Variants in KCNAB1 observed in about 807,000 individuals in gnomAD.
The protein encoded by KCNAB1 is voltage-gated potassium channel subunit beta-1.
In KCNAB1, 35 loss-of-function variants were observed where a neutral mutation model predicts 64.6. The observed-to-expected ratio is 0.54, with a 90% CI of 0.41 to 0.72. The LOEUF is 0.72. Among genes scored for constraint, KCNAB1 ranks in the 30% least tolerant of loss-of-function variants. The pLI, the probability that KCNAB1 is intolerant of heterozygous loss-of-function variation, is 0.00. For missense variants in KCNAB1, 401 were observed against 512.9 expected, an observed-to-expected ratio of 0.78 and a Z score of 2.11; for synonymous variants, 177 against 183.8, an observed-to-expected ratio of 0.96 and a Z score of 0.30.
chr3:156,474,822 T>A lies in KCNAB1; in HGVS notation c.658+2T>A. ...CGGACAGTAACACTCCCATGGAAGGTAAGTTAAGAAAGCTAATAAAATACT... is the reference window on the plus strand; with the variant it reads ...CGGACAGTAACACTCCCATGGAAGGAAAGTTAAGAAAGCTAATAAAATACT... On this transcript the variant is annotated splice_donor_variant, in intron 8 of 13. Coordinates refer to ENST00000490337, the MANE Select transcript of KCNAB1 (RefSeq NM_172160.3). LOFTEE classifies it high-confidence loss of function. 6.2e-7 allele frequency: 1 copy of A among 1,608,900 alleles called. No homozygotes were observed. Among genetic ancestry groups the A allele is most frequent in the Non-Finnish European group, 8.5e-7 (1 of 1,175,546 alleles).
intron 1 of KCNAB1, among the ~76,000 whole-genome samples, chr3:156,397,697 G>GC (rs1475416265): frequency 6.6e-6 from 1 of 151,880 alleles, no homozygotes. Flanking sequence ...TACAACCTCA[G>GC]CCCCCAGGGA....
At chr3:156,501,117 G>C (rs1377806742) in intron 8 of KCNAB1, among the ~76,000 whole-genome samples, 1 of 152,146 alleles carries the variant, frequency 6.6e-6, no homozygotes, top group Admixed American at 6.6e-5. Context: ...AGTATGACAA[G>C]GGGAAAACAT....
At chr3:156,135,532 T>C (rs1262899345) in intron 1 of KCNAB1, among the ~76,000 whole-genome samples, 1 of 152,214 alleles carries the variant, frequency 6.6e-6, no homozygotes, top group East Asian at 1.9e-4. Flanking sequence ...ATTAAATCAG[T>C]TTATTTTTAA....
intron 12 of KCNAB1, among the ~76,000 whole-genome samples, chr3:156,529,712 C>T (rs750741734): frequency 1.3e-5 from 2 of 152,284 alleles, no homozygotes; most frequent in African/African-American, 4.8e-5. Context: ...ATCAACTGGA[C>T]TTAGCAGTTA....
chr3:156,138,306 C>A (rs1577625277), intron 1 of KCNAB1, among the ~76,000 whole-genome samples: 1 of 152,280 alleles, frequency 6.6e-6, no homozygotes, highest in Non-Finnish European at 1.5e-5. Context: ...AGATGAAGTT[C>A]CGGTAAATAA....
intron 12 of KCNAB1, among the ~76,000 whole-genome samples, chr3:156,525,978 A>G (rs1317194817): frequency 6.6e-6 from 1 of 152,150 alleles, no homozygotes; most frequent in African/African-American, 2.4e-5. Flanking sequence ...AGGCCTTCAC[A>G]TTCACTCACC....
At chr3:156,270,599 C>T (rs188090474) in intron 1 of KCNAB1, among the ~76,000 whole-genome samples, 1 of 152,234 alleles carries the variant, frequency 6.6e-6, no homozygotes, top group East Asian at 1.9e-4. Flanking sequence ...ATAATTTTGT[C>T]TCTCTGCTTT....
chr3:156,163,491 A>T (rs116477179), intron 1 of KCNAB1, among the ~76,000 whole-genome samples: 2,623 of 152,314 alleles, frequency 0.017, 47 homozygotes, highest in South Asian at 0.032. Context: ...GAATGAGATT[A>T]CTATCTGGCA....
intron 1 of KCNAB1, among the ~76,000 whole-genome samples, chr3:156,342,816 G>A (rs559011021): frequency 2.6e-5 from 4 of 151,860 alleles, no homozygotes; most frequent in African/African-American, 7.2e-5. Flanking sequence ...ACCTGACTGG[G>A]GATCTTCAAG....
At chr3:156,385,136 CCAGT>C (rs1203251454) in intron 1 of KCNAB1, among the ~76,000 whole-genome samples, 1 of 152,244 alleles carries the variant, frequency 6.6e-6, no homozygotes, top group African/African-American at 2.4e-5. Flanking sequence ...TGCCAAAGTG[CCAGT>C]CAGAGTACCT....
At chr3:156,303,166 T>C (rs1312970552) in intron 1 of KCNAB1, among the ~76,000 whole-genome samples, 1 of 152,190 alleles carries the variant, frequency 6.6e-6, no homozygotes, top group Non-Finnish European at 1.5e-5. Context: ...AAAGCCTGGG[T>C]GTTCCCCAGT....
chr3:156,468,128 G>A (rs763156138), intron 7 of KCNAB1, among the ~76,000 whole-genome samples: 2 of 152,042 alleles, frequency 1.3e-5, no homozygotes, highest in Non-Finnish European at 2.9e-5. Context: ...TTGAACCTAA[G>A]AGCTAATGTT....
chr3:156,139,896 G>C (rs1670406831), intron 1 of KCNAB1, among the ~76,000 whole-genome samples: 1 of 152,136 alleles, frequency 6.6e-6, no homozygotes, highest in Admixed American at 6.5e-5. Flanking sequence ...ACACTTGCAA[G>C]AGATGTATCT....
chr3:156,340,014 A>G (rs904470746), intron 1 of KCNAB1, among the ~76,000 whole-genome samples: 8 of 152,240 alleles, frequency 5.3e-5, no homozygotes, highest in Non-Finnish European at 1.0e-4. Flanking sequence ...TTATGGATAT[A>G]AAAACAACTT....
intron 1 of KCNAB1, among the ~76,000 whole-genome samples, chr3:156,153,202 A>G (rs1715519514): frequency 6.6e-6 from 1 of 152,192 alleles, no homozygotes; most frequent in Non-Finnish European, 1.5e-5. Context: ...CAGGATCCAT[A>G]GTCTCCCCAG....
chr3:156,325,763 G>A lies in KCNAB1; in HGVS notation c.276-95853G>A, dbSNP rs528531448. ...AGCCCAGGAGTTCGAGACCTGCCTG[G>A]GCAATATAGCAAGACCTTGTTCTCC... On this transcript the variant is annotated intron_variant, in intron 1 of 13. Transcript: ENST00000490337. 3.8e-3 allele frequency among the ~76,000 whole-genome samples: 576 copies of A among 151,736 alleles called. 3 individuals are homozygous for A. The highest frequency in any genetic ancestry group is 0.013 in the African/African-American group (547 of 41,380).
chr3:156,149,996 G>T (rs1715306189), intron 1 of KCNAB1, among the ~76,000 whole-genome samples: 1 of 152,200 alleles, frequency 6.6e-6, no homozygotes, highest in Non-Finnish European at 1.5e-5. Context: ...GCAGGGGGTT[G>T]TATTAAAAAA....
At chr3:156,521,071 A>G (rs551867996) in intron 11 of KCNAB1, among the ~76,000 whole-genome samples, 2 of 152,352 alleles carry the variant, frequency 1.3e-5, no homozygotes, top group Non-Finnish European at 2.9e-5. Context: ...AGGAAAATTT[A>G]GAGTTTTGTA....
chr3:156,191,379 C>T (rs558719552), intron 1 of KCNAB1, among the ~76,000 whole-genome samples: 1 of 152,346 alleles, frequency 6.6e-6, no homozygotes, highest in South Asian at 2.1e-4. Flanking sequence ...TAGCACTGTT[C>T]TTGCCTTTGG....
Sources: allele counts gnomAD v4.1 joint callset (sites outside exome capture counted in the v4.1 genomes callset), GRCh38; gene constraint gnomAD v4.1.1; transcripts MANE v1.5; gene names NCBI Gene and HGNC (gene_info 2026-07-23, HGNC 2026-07-21).